Variants in GLE1 observed in about 807,000 individuals in gnomAD.
GLE1 encodes GLE1 RNA export mediator, also known as mRNA export factor GLE1.
A neutral mutation model predicts 97.3 loss-of-function variants in GLE1; 78 were observed. The ratio of observed to expected loss-of-function variants is 0.80; its 90% confidence interval spans 0.67 to 0.97. The LOEUF is 0.97. GLE1 is among the 50% of genes least tolerant of loss of function. GLE1 has a pLI of 0.00. For synonymous variants in GLE1, 302 were observed against 313.4 expected, an observed-to-expected ratio of 0.96 and a Z score of 0.39; for missense variants, 753 against 857.5, an observed-to-expected ratio of 0.88 and a Z score of 1.52.
chr9:128,534,400 C>A (rs1334128023), intron 11 of GLE1, among the ~76,000 whole-genome samples: 1 of 84,272 alleles, frequency 1.2e-5, no homozygotes, highest in African/African-American at 2.8e-5. Flanking sequence ...TATACATAGT[C>A]TTTTATGTAA....
intron 14 of GLE1, 75 bp from the exon 15 acceptor site, chr9:128,540,199 TG>T: frequency 5.0e-6 from 5 of 1,004,316 alleles, no homozygotes; most frequent in Non-Finnish European, 8.0e-6. Context: ...CCAGCCTAGG[TG>T]ACAGAGTGAG....
chr9:128,506,928 G>A (rs191464577), intron 1 of GLE1, among the ~76,000 whole-genome samples: 8 of 152,184 alleles, frequency 5.3e-5, no homozygotes, highest in South Asian at 2.1e-4. Context: ...TGCTCAATCA[G>A]TTTACTTTAT....
intron 9 of GLE1, among the ~76,000 whole-genome samples, chr9:128,531,978 G>A (rs990874817): frequency 6.6e-6 from 1 of 151,824 alleles, no homozygotes; most frequent in South Asian, 2.1e-4. Flanking sequence ...ACCTAGAGAG[G>A]TATGGAGAGA....
At chr9:128,536,600 T>A in intron 12 of GLE1, 116 bp downstream of exon 12, 1 of 901,868 alleles carries the variant, frequency 1.1e-6, no homozygotes, top group East Asian at 2.6e-5. Context: ...AAGGATAAAC[T>A]ATATGGCAGT....
At position 128,542,259 on chromosome 9, in the gene GLE1, A is replaced by T. The variant is rs930489579; in HGVS notation, c.*1089A>T. The stretch of plus-strand genomic sequence containing the variant: ...ATTGTTAATTAAGGTGCCAAAAAAA[A>T]TTAATAATAAAGCTTGGTTTTTTGA... On this transcript the variant is annotated 3_prime_UTR_variant, in exon 16 of 16. Coordinates refer to ENST00000309971, the MANE Select transcript of GLE1 (RefSeq NM_001003722.2). The T allele has an allele frequency of 2.0e-5, 3 of 152,218 alleles. No homozygotes were observed. The highest frequency in any genetic ancestry group is 4.1e-4 in the South Asian group (2 of 4,834). 9.4% of individuals were successfully genotyped at this position (152,218 alleles called of 1,614,324 possible).
At chr9:128,521,172 TAAC>T (rs1314983571) in intron 3 of GLE1, among the ~76,000 whole-genome samples, 1 of 152,174 alleles carries the variant, frequency 6.6e-6, no homozygotes, top group Admixed American at 6.6e-5. Flanking sequence ...ATTCTCACTT[TAAC>T]AGAGTCCCAG....
chr9:128,524,540 C>CTTTTTTTTTTT (rs71381767), intron 6 of GLE1, among the ~76,000 whole-genome samples: 1 of 39,622 alleles, frequency 2.5e-5, no homozygotes, highest in Non-Finnish European at 4.7e-5. Context: ...CTTTGCTTTG[C>CTTTTTTTTTTT]TTTTTTTTTT....
chr9:128,525,047 A>G, intron 6 of GLE1, 145 bp from the exon 7 acceptor site: 1 of 712,384 alleles, frequency 1.4e-6, no homozygotes, highest in South Asian at 1.5e-5. Context: ...AATACCTTTA[A>G]GAGAACAGGG....
chr9:128,506,287 G>A (rs1303483490), intron 1 of GLE1, among the ~76,000 whole-genome samples: 8 of 152,144 alleles, frequency 5.3e-5, no homozygotes, highest in Admixed American at 5.2e-4. Flanking sequence ...AGAGGTTGCA[G>A]TGAGCCGAGA....
At chr9:128,539,877 A>C in intron 14 of GLE1, 179 bp downstream of exon 14, 1 of 1,501,068 alleles carries the variant, frequency 6.7e-7, no homozygotes, top group Non-Finnish European at 8.9e-7. Context: ...TTGAACCTTA[A>C]TGAGAGTCTG....
intron 2 of GLE1, 76 bp downstream of exon 2, chr9:128,509,173 T>C (rs1257463470): frequency 1.2e-6 from 1 of 868,250 alleles, no homozygotes; most frequent in African/African-American, 1.6e-5. Context: ...CATATGACAG[T>C]GACCATACCC....
intron 1 of GLE1, among the ~76,000 whole-genome samples, chr9:128,505,505 C>T (rs117607046): frequency 1.3e-5 from 2 of 152,270 alleles, no homozygotes; most frequent in East Asian, 3.9e-4. Context: ...AAGTATTTCC[C>T]TGTCTTTTAT....
chr9:128,539,173 A>G (rs1286996313), intron 13 of GLE1, among the ~76,000 whole-genome samples: 1 of 152,136 alleles, frequency 6.6e-6, no homozygotes, highest in Non-Finnish European at 1.5e-5. Context: ...GGTTGAGGCT[A>G]CAGTGAGCTG....
rs1554723262 is a variant in GLE1, at chr9:128,523,212, AAAAG to A, written c.582-56_582-53del. 4.8e-5 allele frequency: 56 copies of A among 1,175,568 alleles called. 2 individuals are homozygous for A. In the South Asian group the frequency reaches 4.9e-4, roughly 10 times the overall value. The allele number at this position is 1,175,568 out of a possible 1,614,324, so 72.8% of individuals were successfully genotyped here. A position where few individuals can be genotyped will look rare whatever the true frequency, so the allele number is the denominator to read the frequency against. ...GAAGGGAGGGCAGGGAGAGGGAGAG[AAAAG>A]AAAGAAAGAAAAACAATTTCAGGAA... On this transcript the variant is annotated intron_variant, in intron 4 of 15. Transcript: ENST00000309971.
In GLE1 at chr9:128,533,603, T is replaced by G. The variant is rs780903918; in HGVS notation, c.1403T>G (p.Leu468Arg). 6.2e-7 allele frequency: 1 copy of G among 1,614,102 alleles called. No homozygotes were observed. Among genetic ancestry groups the G allele is most frequent in the Admixed American group, 1.7e-5 (1 of 60,000 alleles). The change falls in exon 10 of 16, where the codon CTT becomes CGT. Residue 468 changes from leucine to arginine, a missense_variant. Physicochemically the swap from Leu to Arg is moderately radical, Grantham distance 102. Transcript: ENST00000309971. ...QSGGRSVSVT[L>R]NPQGLDFVQY... ...GGTGGGCGCTCTGTGTCTGTCACAC[T>G]TAACCCACAGGGGCTGGACTTTGTT...
In GLE1 at chr9:128,523,679, C is replaced by G; in HGVS notation, c.730C>G (p.Arg244Gly). ...ERLRKEEGQI[R>G]LRALYALQEE... ...GCTTCGGAAGGAAGAAGGCCAGATC[C>G]GCCTGCGGGCCCTCTATGCTCTGCA... The change falls in exon 6 of 16, where the codon CGC (arginine) becomes GGC (glycine). Residue 244 changes from arginine to glycine, a missense_variant. Transcript: ENST00000309971. 1.2e-6 allele frequency: 2 copies of G among 1,614,072 alleles called. No individual in the cohort carries two copies. The highest frequency in any genetic ancestry group is 1.7e-6 in the Non-Finnish European group (2 of 1,179,990).
In GLE1 at chr9:128,542,068, A is replaced by C. The variant is rs2132549450; in HGVS notation, c.*898A>C. 1 of 152,300 alleles carries C rather than the reference A, an allele frequency of 6.6e-6. No individual in the cohort carries two copies. Among genetic ancestry groups the C allele is most frequent in the South Asian group, 2.1e-4 (1 of 4,818 alleles). 9.4% of individuals were successfully genotyped at this position (152,300 alleles called of 1,614,324 possible). On this transcript the variant is annotated 3_prime_UTR_variant, in exon 16 of 16. Coordinates refer to ENST00000309971, the MANE Select transcript of GLE1 (RefSeq NM_001003722.2). Reference sequence around the variant, plus strand: ...GACTAAAGCCACTACAGAAATCCAGAGATTGGCTGTTAAAATTTGTTTTGT... The same window carrying C: ...GACTAAAGCCACTACAGAAATCCAGCGATTGGCTGTTAAAATTTGTTTTGT...
rs1847603368 is a variant in GLE1 at position 128,533,778 on chromosome 9, A to G, written c.1473A>G (p.Glu491=). The G allele has an allele frequency of 1.2e-6, 2 of 1,614,060 alleles. No homozygotes were observed. The highest frequency in any genetic ancestry group is 1.7e-6 in the Non-Finnish European group (2 of 1,180,012). ...AEKFVKQGEE[E]VASHHEAAFP... The stretch of plus-strand genomic sequence containing the variant: ...GTTCTCAGAAACAAGGCGAGGAGGA[A>G]GTGGCCTCTCACCATGAAGCAGCAT... Residue 491 remains glutamate (E), a synonymous_variant, in exon 11 of 16, where the codon GAA becomes GAG. Transcript: ENST00000309971.
At chr9:128,513,455 G>A (rs914797107) in intron 2 of GLE1, among the ~76,000 whole-genome samples, 38 of 152,102 alleles carry the variant, frequency 2.5e-4, no homozygotes, top group Admixed American at 2.4e-3. Context: ...AAAAAGCTGG[G>A]TGTGGAATCC....
Sources: gnomAD v4.1 joint callset for allele counts (sites outside exome capture counted in the v4.1 genomes callset) on GRCh38, gnomAD v4.1.1 for gene constraint, MANE v1.5 for transcripts, NCBI Gene and HGNC (gene_info 2026-07-23, HGNC 2026-07-21) for gene names.